CSGALNACT1: variants seen among roughly 807,000 people sequenced by gnomAD.
CSGALNACT1 encodes chondroitin sulfate N-acetylgalactosaminyltransferase 1.
A neutral mutation model predicts 51.0 loss-of-function variants in CSGALNACT1; 52 were observed. The observed-to-expected ratio is 1.02, with a 90% CI of 0.82 to 1.29. CSGALNACT1 has a LOEUF of 1.29. Among genes scored for constraint, CSGALNACT1 ranks in the 50% most tolerant of loss-of-function variants. CSGALNACT1 has a pLI of 0.00. For missense variants in CSGALNACT1, 935 were observed against 679.2 expected (o/e 1.38, Z -4.19); for synonymous variants, 341 against 254.4 (o/e 1.34, Z -3.24).
chr8:19,498,915 A>C (rs1336494504), intron 4 of CSGALNACT1, among the ~76,000 whole-genome samples: 7 of 152,184 alleles, frequency 4.6e-5, no homozygotes, highest in Non-Finnish European at 1.0e-4. Flanking sequence ...GGAGCTCAAG[A>C]CCAGCCTGCG....
intron 4 of CSGALNACT1, among the ~76,000 whole-genome samples, chr8:19,487,973 A>G (rs1469904335): frequency 6.6e-6 from 1 of 151,642 alleles, no homozygotes; most frequent in Non-Finnish European, 1.5e-5. Context: ...ACACCTCCCA[A>G]GAGACACCCT....
chr8:19,654,453 A>T (rs753677002), intron 1 of CSGALNACT1, among the ~76,000 whole-genome samples: 13 of 152,080 alleles, frequency 8.5e-5, no homozygotes, highest in Non-Finnish European at 1.9e-4. Context: ...AGCAGCCCCA[A>T]CTCCTTAATG....
At chr8:19,426,464 T>G (rs1255824919) in intron 6 of CSGALNACT1, among the ~76,000 whole-genome samples, 1 of 152,204 alleles carries the variant, frequency 6.6e-6, no homozygotes, top group African/African-American at 2.4e-5. Flanking sequence ...CAATGTTTAG[T>G]GTTACCCTAA....
At chr8:19,515,121 C>A (rs1158356971) in intron 3 of CSGALNACT1, among the ~76,000 whole-genome samples, 1 of 152,084 alleles carries the variant, frequency 6.6e-6, no homozygotes, top group East Asian at 1.9e-4. Flanking sequence ...CCTCAGAGTG[C>A]CTTTCCTGCC....
chr8:19,631,784 C>A (rs1009345502), intron 1 of CSGALNACT1, among the ~76,000 whole-genome samples: 1 of 152,194 alleles, frequency 6.6e-6, no homozygotes, highest in Non-Finnish European at 1.5e-5. Flanking sequence ...CTGGATTTGA[C>A]TGTGTTTTGC....
At chr8:19,457,772 A>C in intron 5 of CSGALNACT1, 1 of 1,351,428 alleles carries the variant, frequency 7.4e-7, no homozygotes. Context: ...AACACCGCAC[A>C]ATCAAGGGCT....
At chr8:19,457,584 GC>G (rs939754596) in intron 5 of CSGALNACT1, 5 of 1,005,732 alleles carry the variant, frequency 5.0e-6, no homozygotes, top group Admixed American at 2.3e-5. Context: ...CTGCACTCCA[GC>G]CTGGGTGACA....
At position 19,461,656 on chromosome 8, in the gene CSGALNACT1, G is replaced by A. The variant is rs200452901; in HGVS notation, c.635-3014C>T. On this transcript the variant is annotated intron_variant, in intron 4 of 9. Coordinates refer to ENST00000454498, the Ensembl canonical transcript of CSGALNACT1. Reference sequence around the variant, plus strand: ...CGCACAGCGGCCACATTCACCATGGGGGGCGTATCCGCACAGCGGCCACAT... The same window carrying A: ...CGCACAGCGGCCACATTCACCATGGAGGGCGTATCCGCACAGCGGCCACAT... 7.9e-4 allele frequency among the ~76,000 whole-genome samples: 19 copies of A among 23,956 alleles called. 4 individuals are homozygous for A. Among genetic ancestry groups the A allele is most frequent in the Non-Finnish European group, 1.2e-3 (12 of 9,802 alleles). 15.7% of individuals were successfully genotyped at this position (23,956 alleles called of 152,430 possible). A position where few individuals can be genotyped will look rare whatever the true frequency, so the allele number is the denominator to read the frequency against.
intron 3 of CSGALNACT1, among the ~76,000 whole-genome samples, chr8:19,514,096 C>A (rs113433823): frequency 0.01 from 1,564 of 152,254 alleles, 26 homozygotes; most frequent in African/African-American, 0.035. Context: ...AGTGCTTTAT[C>A]TTCTGCTACG....
At chr8:19,467,917 T>C (rs1474408924) in intron 4 of CSGALNACT1, among the ~76,000 whole-genome samples, 1 of 152,156 alleles carries the variant, frequency 6.6e-6, no homozygotes, top group African/African-American at 2.4e-5. Context: ...ACCCAGGAGT[T>C]GGAGGCTGCA....
At position 19,562,059 on chromosome 8, in the gene CSGALNACT1, C is replaced by T. The variant is rs540095823; in HGVS notation, c.-297+29101G>A. 3.3e-5 allele frequency among the ~76,000 whole-genome samples: 5 copies of T among 152,322 alleles called. No individual in the cohort carries two copies. In the South Asian group the frequency reaches 1.0e-3, roughly 32 times the overall value. ...TCCTACCAAGCCTGCACTGAGGCAT[C>T]ACCTGACAAGTATGGGTCCTGGGGG... On this transcript the variant is annotated intron_variant, in intron 3 of 9. Transcript: ENST00000454498.
At chr8:19,405,069 G>T (rs1391704413) in exon 10 of CSGALNACT1, 1 of 453,500 alleles carries the variant, frequency 2.2e-6, no homozygotes. Flanking sequence ...ATATAAAAAT[G>T]TAGGCCAACT....
At chr8:19,442,097 G>A (rs1232392747) in intron 5 of CSGALNACT1, among the ~76,000 whole-genome samples, 1 of 152,110 alleles carries the variant, frequency 6.6e-6, no homozygotes, top group Non-Finnish European at 1.5e-5. Context: ...TGGAGAAATA[G>A]GAACACTTTT....
chr8:19,689,324 C>A (rs781700139), intron 1 of CSGALNACT1, among the ~76,000 whole-genome samples: 1 of 152,152 alleles, frequency 6.6e-6, no homozygotes, highest in Non-Finnish European at 1.5e-5. Context: ...GGAGAGGAAC[C>A]AGGACCCCGG....
intron 1 of CSGALNACT1, among the ~76,000 whole-genome samples, chr8:19,747,703 T>C (rs1030667447): frequency 1.2e-4 from 19 of 152,072 alleles, no homozygotes; most frequent in Admixed American, 7.2e-4. Context: ...TCCTACTTTA[T>C]GGATTAAGAA....
intron 1 of CSGALNACT1, among the ~76,000 whole-genome samples, chr8:19,636,985 T>C (rs888270876): frequency 9.2e-5 from 14 of 151,766 alleles, no homozygotes; most frequent in East Asian, 1.9e-4. Flanking sequence ...AGGTCAGGAA[T>C]TCGAGATCAG....
intron 5 of CSGALNACT1, among the ~76,000 whole-genome samples, chr8:19,456,332 C>T (rs947467828): frequency 6.6e-6 from 1 of 152,208 alleles, no homozygotes; most frequent in Non-Finnish European, 1.5e-5. Flanking sequence ...GCAAGCCTAA[C>T]ATGTCCAAGG....
intron 1 of CSGALNACT1, among the ~76,000 whole-genome samples, chr8:19,659,243 T>C (rs1159810490): frequency 6.6e-6 from 1 of 152,220 alleles, no homozygotes; most frequent in East Asian, 1.9e-4. Context: ...TAGATCCATA[T>C]TAGAAAGCAA....
intron 3 of CSGALNACT1, among the ~76,000 whole-genome samples, chr8:19,511,933 C>A (rs556769193): frequency 3.0e-4 from 45 of 152,204 alleles, no homozygotes; most frequent in African/African-American, 1.1e-3. Flanking sequence ...CCAGATCTTG[C>A]GAAAACTCAC....
Sources: allele counts gnomAD v4.1 joint callset (sites outside exome capture counted in the v4.1 genomes callset), GRCh38; gene constraint gnomAD v4.1.1; transcripts MANE v1.5; gene names NCBI Gene and HGNC (gene_info 2026-07-23, HGNC 2026-07-21).